ROR2: variants seen among roughly 807,000 people sequenced by gnomAD.
ROR2 encodes ROR family WNT receptor 2.
Under a neutral mutation model 74.9 loss-of-function variants are expected in ROR2, and 33 were observed. The observed-to-expected ratio is 0.44, with a 90% CI of 0.33 to 0.59. ROR2 has a LOEUF of 0.59. Among genes scored for constraint, ROR2 ranks in the 20% least tolerant of loss-of-function variants. The pLI is 0.02. For synonymous variants in ROR2, 586 were observed against 558.7 expected (o/e 1.05, Z -0.69); for missense variants, 1,216 against 1,313.8 (o/e 0.93, Z 1.15).
intron 1 of ROR2, among the ~76,000 whole-genome samples, chr9:91,909,557 G>A (rs189968408): frequency 1.5e-3 from 201 of 138,448 alleles, no homozygotes; most frequent in Non-Finnish European, 2.4e-3. Flanking sequence ...TCACCATGTT[G>A]CCCAGGCTGC....
At chr9:91,752,901 G>A (rs1211776681) in intron 4 of ROR2, among the ~76,000 whole-genome samples, 1 of 152,206 alleles carries the variant, frequency 6.6e-6, no homozygotes, top group Non-Finnish European at 1.5e-5. Flanking sequence ...AAGTGATAAA[G>A]TTAGCACAGT....
At chr9:91,744,912 T>C (rs1473698833) in intron 4 of ROR2, among the ~76,000 whole-genome samples, 2 of 152,116 alleles carry the variant, frequency 1.3e-5, no homozygotes, top group Non-Finnish European at 2.9e-5. Context: ...GCTGTATCCT[T>C]GAAAAACCCT....
intron 2 of ROR2, among the ~76,000 whole-genome samples, chr9:91,773,155 C>A (rs1168124087): frequency 1.3e-5 from 2 of 152,212 alleles, no homozygotes; most frequent in Admixed American, 1.3e-4. Context: ...TTGGCACAGC[C>A]CCGCCCCAGG....
chr9:91,768,617 G>A (rs1826131500), intron 2 of ROR2, among the ~76,000 whole-genome samples: 1 of 152,206 alleles, frequency 6.6e-6, no homozygotes, highest in African/African-American at 2.4e-5. Context: ...ACCCCGCTGG[G>A]CGCAGGTTGT....
At position 91,737,531 on chromosome 9, in the gene ROR2, A is replaced by G. The variant is rs757201684; in HGVS notation, c.495-13T>C. On this transcript the variant is annotated splice_polypyrimidine_tract_variant and intron_variant, in intron 4 of 8. Coordinates refer to ENST00000375708, the MANE Select transcript of ROR2 (RefSeq NM_004560.4). The stretch of plus-strand genomic sequence containing the variant: ...GTGGTAATCATCCCTGGTAAGAAAC[A>G]CACAAAGTCTGTTAGAGCTCTGGGA... 1.9e-6 allele frequency: 3 copies of G among 1,614,190 alleles called. No individual in the cohort carries two copies. The highest frequency in any genetic ancestry group is 2.2e-5 in the East Asian group (1 of 44,888).
chr9:91,737,749 G>C (rs1248065553), intron 4 of ROR2, among the ~76,000 whole-genome samples: 4 of 152,092 alleles, frequency 2.6e-5, no homozygotes, highest in Non-Finnish European at 5.9e-5. Context: ...TCTTTCTGTA[G>C]GTGAATGGAT....
chr9:91,898,683 C>A (rs1176516013), intron 1 of ROR2, among the ~76,000 whole-genome samples: 1 of 152,228 alleles, frequency 6.6e-6, no homozygotes, highest in Non-Finnish European at 1.5e-5. Context: ...GCCCGTAAAT[C>A]ACCAACTCTC....
At chr9:91,815,425 C>T (rs1827895305) in intron 1 of ROR2, among the ~76,000 whole-genome samples, 2 of 151,846 alleles carry the variant, frequency 1.3e-5, no homozygotes, top group Admixed American at 6.6e-5. Flanking sequence ...ACTTTAAAGG[C>T]AATTACAATA....
intron 5 of ROR2, 115 bp downstream of exon 5, chr9:91,737,276 G>A: frequency 7.5e-7 from 1 of 1,332,732 alleles, no homozygotes; most frequent in Non-Finnish European, 1.1e-6. Flanking sequence ...CAAATGAAAT[G>A]GAAGAGGCAC....
chr9:91,861,342 G>T (rs1829462409), intron 1 of ROR2, among the ~76,000 whole-genome samples: 1 of 152,084 alleles, frequency 6.6e-6, no homozygotes, highest in Admixed American at 6.6e-5. Context: ...AAAATAAAAG[G>T]AACTAAGTTG....
chr9:91,800,941 ACT>A (rs1827355417), intron 1 of ROR2, among the ~76,000 whole-genome samples: 1 of 151,920 alleles, frequency 6.6e-6, no homozygotes, highest in Non-Finnish European at 1.5e-5. Flanking sequence ...GGCCTGGAAC[ACT>A]CTCCTCTTGG....
At chr9:91,818,506 C>T (rs1828021166) in intron 1 of ROR2, among the ~76,000 whole-genome samples, 1 of 151,490 alleles carries the variant, frequency 6.6e-6, no homozygotes, top group Non-Finnish European at 1.5e-5. Context: ...CTCATGCCAC[C>T]TGGACCCCAG....
In ROR2 at chr9:91,742,401, C is replaced by A. The variant is rs2118762212; in HGVS notation, c.495-4883G>T. On this transcript the variant is annotated intron_variant, in intron 4 of 8. Transcript: ENST00000375708. ...GGGTGGGGACACAGCCAAACCGTAT[C>A]ACAGGGCTTTAAAGTAATAGATGTG... Among the ~76,000 whole-genome samples, 5 of 152,316 alleles carry A rather than the reference C, an allele frequency of 3.3e-5. No homozygotes were observed. The Middle Eastern group carries it at 0.014, about 414-fold the overall frequency.
chr9:91,762,528 A>G (rs1825946387), intron 2 of ROR2, among the ~76,000 whole-genome samples: 1 of 152,246 alleles, frequency 6.6e-6, no homozygotes, highest in African/African-American at 2.4e-5. Context: ...ACAGCTATCA[A>G]ACAATAACCA....
At position 91,949,966 on chromosome 9, in the gene ROR2, C is replaced by G. The variant is rs1022464613; in HGVS notation, c.-3G>C. ...GGGAGCGCCGAGCCCCGGGCCATGC[C>G]GCAGGCAGTGGGGGCCGGGAAGCCC... On this transcript the variant is annotated 5_prime_UTR_variant, in exon 1 of 9. Transcript: ENST00000375708. 2.7e-6 allele frequency: 4 copies of G among 1,458,340 alleles called. No individual in the cohort carries two copies. The highest frequency in any genetic ancestry group is 1.5e-5 in the African/African-American group (1 of 66,266). The allele number at this position is 1,458,340 out of a possible 1,614,324, so 90.3% of individuals were successfully genotyped here.
At chr9:91,728,369 T>C (rs1449507839) in intron 7 of ROR2, among the ~76,000 whole-genome samples, 3 of 152,226 alleles carry the variant, frequency 2.0e-5, no homozygotes, top group Admixed American at 2.0e-4. Context: ...TAGTTTTATA[T>C]GGTTTTCTTA....
chr9:91,763,996 A>C (rs1440505828), intron 2 of ROR2, among the ~76,000 whole-genome samples: 3 of 152,192 alleles, frequency 2.0e-5, no homozygotes, highest in Non-Finnish European at 1.5e-5. Context: ...CCATTTGATC[A>C]AGCTTGTTGA....
chr9:91,856,751 G>C (rs995309609), intron 1 of ROR2, among the ~76,000 whole-genome samples: 3 of 152,180 alleles, frequency 2.0e-5, no homozygotes, highest in Non-Finnish European at 4.4e-5. Context: ...TGACAAATAC[G>C]ATGTCCTTGT....
At chr9:91,920,813 C>T (rs1262011940) in intron 1 of ROR2, among the ~76,000 whole-genome samples, 2 of 152,162 alleles carry the variant, frequency 1.3e-5, no homozygotes, top group African/African-American at 4.8e-5. Context: ...CTATGGGGCA[C>T]AAAGAAAGAT....
Sources: allele counts gnomAD v4.1 joint callset (sites outside exome capture counted in the v4.1 genomes callset), GRCh38; gene constraint gnomAD v4.1.1; transcripts MANE v1.5; gene names NCBI Gene and HGNC (gene_info 2026-07-23, HGNC 2026-07-21).